PPP1R9A: variants seen among roughly 807,000 people sequenced by gnomAD.
PPP1R9A encodes protein phosphatase 1 regulatory subunit 9A.
Under a neutral mutation model 141.9 loss-of-function variants are expected in PPP1R9A, and 59 were observed. The observed-to-expected ratio is 0.42, with a 90% confidence interval of 0.34 to 0.52. The LOEUF (loss-of-function observed/expected upper bound fraction) is 0.52, where lower values mean the gene tolerates loss of function less well. Ranked by LOEUF, PPP1R9A falls within the 20% of genes least tolerant of loss-of-function variation. PPP1R9A has a pLI of 0.10. For synonymous variants in PPP1R9A, 500 were observed against 569.7 expected, an observed-to-expected ratio of 0.88 and a Z score of 1.74; for missense variants, 1,444 against 1,611.9, an observed-to-expected ratio of 0.90 and a Z score of 1.78.
intron 12 of PPP1R9A, among the ~76,000 whole-genome samples, chr7:95,258,682 A>G (rs1215540015): frequency 2.0e-5 from 3 of 152,220 alleles, no homozygotes; most frequent in African/African-American, 7.2e-5. Flanking sequence ...CACAACCAAC[A>G]TAGTAGAAAA....
chr7:95,285,028 C>A (rs1318757774), intron 17 of PPP1R9A, among the ~76,000 whole-genome samples: 1 of 152,166 alleles, frequency 6.6e-6, no homozygotes. Flanking sequence ...GACTGGGGTA[C>A]CAAATGGTAA....
rs746188472 is a variant in PPP1R9A at position 95,292,694 on chromosome 7, A to G, written c.*2391A>G. 4 of 152,214 alleles carry G rather than the reference A, an allele frequency of 2.6e-5. No homozygotes were observed. Among genetic ancestry groups the G allele is most frequent in the Non-Finnish European group, 5.9e-5 (4 of 68,026 alleles). The allele number at this position is 152,214 out of a possible 1,614,324, so 9.4% of individuals were successfully genotyped here. Reference sequence around the variant, plus strand: ...GTATTTTGATTTTTTAAGTTAAATTATAGTAATTTTAGGCCGAAGTGAGTT... The same window carrying G: ...GTATTTTGATTTTTTAAGTTAAATTGTAGTAATTTTAGGCCGAAGTGAGTT... On this transcript the variant is annotated 3_prime_UTR_variant, in exon 20 of 20. Transcript: ENST00000433360.
intron 5 of PPP1R9A, among the ~76,000 whole-genome samples, chr7:95,186,366 G>A (rs1834653155): frequency 6.6e-6 from 1 of 152,090 alleles, no homozygotes; most frequent in South Asian, 2.1e-4. Context: ...CATTCATTTT[G>A]CATCCTGAAA....
intron 8 of PPP1R9A, among the ~76,000 whole-genome samples, chr7:95,236,249 TTAA>T (rs1342813753): frequency 6.6e-6 from 1 of 152,184 alleles, no homozygotes; most frequent in African/African-American, 2.4e-5. Flanking sequence ...TAAAAGAGAC[TTAA>T]TGATGTAGAT....
intron 4 of PPP1R9A, among the ~76,000 whole-genome samples, chr7:95,142,533 G>T (rs1275506581): frequency 6.6e-6 from 1 of 152,006 alleles, no homozygotes; most frequent in Non-Finnish European, 1.5e-5. Flanking sequence ...TTTGTATAAG[G>T]TGTGAGGAAG....
rs757028148 is a variant in PPP1R9A at position 95,268,644 on chromosome 7, C to G, written c.2760C>G (p.Pro920=). ...CTGTGAAGAACAGACGCCAGAGACC[C>G]TCTAGGACAAGACTGTATGATAGTG... ...QLSVKNRRQR[P]SRTRLYDSVS... is the part of the protein sequence containing the mutation. The change falls in exon 13 of 20, where the codon CCC becomes CCG. Residue 920 remains proline (P), a synonymous_variant. Coordinates refer to ENST00000433360, the MANE Select transcript of PPP1R9A (RefSeq NM_001166160.2). The G allele has an allele frequency of 1.9e-6, 3 of 1,613,438 alleles. No homozygotes were observed. The South Asian group carries it at 3.3e-5, about 18-fold the overall frequency.
chr7:95,260,573 G>A (rs1323578271), intron 12 of PPP1R9A, among the ~76,000 whole-genome samples: 2 of 151,892 alleles, frequency 1.3e-5, no homozygotes, highest in Non-Finnish European at 2.9e-5. Context: ...CAGCTACTCG[G>A]GAGGCTGAGA....
At chr7:95,244,743 G>A (rs139183824) in intron 8 of PPP1R9A, among the ~76,000 whole-genome samples, 36 of 152,286 alleles carry the variant, frequency 2.4e-4, no homozygotes, top group African/African-American at 8.4e-4. Flanking sequence ...ACATTTAACT[G>A]AGAGGTGAAG....
At chr7:94,949,104 A>G (rs1796190071) in intron 2 of PPP1R9A, among the ~76,000 whole-genome samples, 1 of 152,174 alleles carries the variant, frequency 6.6e-6, no homozygotes, top group Non-Finnish European at 1.5e-5. Flanking sequence ...TAAAACTGAC[A>G]AATGTATTAC....
intron 2 of PPP1R9A, among the ~76,000 whole-genome samples, chr7:95,001,547 A>T (rs997092484): frequency 8.5e-5 from 13 of 152,216 alleles, no homozygotes; most frequent in Non-Finnish European, 1.9e-4. Flanking sequence ...TGTGACTCTC[A>T]CAATGTTATC....
intron 4 of PPP1R9A, among the ~76,000 whole-genome samples, chr7:95,142,159 C>T (rs1206649527): frequency 1.3e-5 from 2 of 151,946 alleles, no homozygotes; most frequent in Non-Finnish European, 2.9e-5. Flanking sequence ...TTTATATCTA[C>T]TTTGGATAAA....
intron 2 of PPP1R9A, among the ~76,000 whole-genome samples, chr7:95,105,771 G>T (rs1819428148): frequency 6.6e-6 from 1 of 152,200 alleles, no homozygotes; most frequent in Admixed American, 6.5e-5. Flanking sequence ...TCATGTAGAT[G>T]AAAGGGCTTC....
rs1806386324 is a variant in PPP1R9A at position 95,291,717 on chromosome 7, A to G, written c.*1414A>G. 1 of 152,204 alleles carries G rather than the reference A, an allele frequency of 6.6e-6. No homozygotes were observed. 9.4% of individuals were successfully genotyped at this position (152,204 alleles called of 1,614,324 possible). On this transcript the variant is annotated 3_prime_UTR_variant, in exon 20 of 20. Transcript: ENST00000433360. ...AATGAGGTTATCCACTTTCCAAAGG[A>G]CAAGTTTCAGAATAAGACTTGAGGC...
intron 10 of PPP1R9A, 75 bp downstream of exon 10, chr7:95,250,330 C>G: frequency 2.4e-6 from 3 of 1,267,554 alleles, no homozygotes; most frequent in Admixed American, 2.6e-5. Flanking sequence ...TTTGTAATAT[C>G]TAGTGGAACA....
intron 2 of PPP1R9A, among the ~76,000 whole-genome samples, chr7:95,048,840 C>T (rs113335161): frequency 0.038 from 5,715 of 152,068 alleles, 320 homozygotes; most frequent in African/African-American, 0.12. Context: ...CCACCATGCC[C>T]GGCCCTATGA....
At chr7:95,154,862 G>C (rs1433871201) in intron 4 of PPP1R9A, 1 of 152,038 alleles carries the variant, frequency 6.6e-6, no homozygotes, top group Non-Finnish European at 1.5e-5. Context: ...AAATTATTTG[G>C]ATACACAAAT....
At chr7:94,917,127 ATTT>A (rs1792178696) in intron 2 of PPP1R9A, among the ~76,000 whole-genome samples, 1 of 151,980 alleles carries the variant, frequency 6.6e-6, no homozygotes, top group Non-Finnish European at 1.5e-5. Context: ...ATGGTATAAC[ATTT>A]AAATTGGATT....
At chr7:94,961,151 C>T (rs2151123595) in intron 2 of PPP1R9A, among the ~76,000 whole-genome samples, 1 of 151,670 alleles carries the variant, frequency 6.6e-6, no homozygotes, top group East Asian at 1.9e-4. Flanking sequence ...ATGTTCTCTT[C>T]TCCTTCCTCT....
chr7:94,915,399 T>G (rs1255646426), intron 2 of PPP1R9A, among the ~76,000 whole-genome samples: 1 of 152,180 alleles, frequency 6.6e-6, no homozygotes, highest in Non-Finnish European at 1.5e-5. Flanking sequence ...TGTCAGTGCT[T>G]CTTAAACTTT....
Sources: allele counts gnomAD v4.1 joint callset (sites outside exome capture counted in the v4.1 genomes callset), GRCh38; gene constraint gnomAD v4.1.1; transcripts MANE v1.5; gene names NCBI Gene and HGNC (gene_info 2026-07-23, HGNC 2026-07-21).